PLCB1: variants seen among roughly 807,000 people sequenced by gnomAD.
PLCB1 encodes the protein 1-phosphatidylinositol 4,5-bisphosphate phosphodiesterase beta-1.
In PLCB1, 46 loss-of-function variants were observed where a neutral mutation model predicts 161.8. The ratio of observed to expected loss-of-function variants is 0.28; its 90% CI spans 0.22 to 0.36. The LOEUF is 0.36. Ranked by LOEUF, PLCB1 falls within the 10% of genes least tolerant of loss-of-function variation. The pLI, the probability that PLCB1 is intolerant of heterozygous loss-of-function variation, is 1.00. For missense variants in PLCB1, 1,016 were observed against 1,472.5 expected, an observed-to-expected ratio of 0.69 and a Z score of 5.07; for synonymous variants, 517 against 503.7, an observed-to-expected ratio of 1.03 and a Z score of -0.35.
Position 8,770,654 on chromosome 20 carries a change from G to A in PLCB1, c.2931-3885G>A, listed in dbSNP as rs184412005. Among the ~76,000 whole-genome samples, 466 of 152,312 alleles carry A rather than the reference G, an allele frequency of 3.1e-3. 1 individual carries two copies. The highest frequency in any genetic ancestry group is 5.3e-3 in the Non-Finnish European group (359 of 68,024). On this transcript the variant is annotated intron_variant, in intron 26 of 31. Coordinates refer to ENST00000338037, the MANE Select transcript of PLCB1 (RefSeq NM_015192.4). ...ATCTGGAAAGGCGGGACAACTCGAA[G>A]CAAAGGCAGGAAGATGGGAAGCCGG... is the stretch of plus-strand genomic sequence containing the variant.
chr20:8,334,238 A>T (rs1030426770), intron 2 of PLCB1, among the ~76,000 whole-genome samples: 1 of 152,142 alleles, frequency 6.6e-6, no homozygotes, highest in Admixed American at 6.5e-5. Context: ...AAGAAAAGAA[A>T]ACATTAGCTT....
At chr20:8,410,067 T>C (rs775788914) in intron 3 of PLCB1, among the ~76,000 whole-genome samples, 2 of 152,186 alleles carry the variant, frequency 1.3e-5, no homozygotes, top group Non-Finnish European at 2.9e-5. Context: ...GTGTATGCTT[T>C]TTTTCTCTCT....
chr20:8,193,933 A>T (rs1373623813), intron 2 of PLCB1, among the ~76,000 whole-genome samples: 1 of 151,942 alleles, frequency 6.6e-6, no homozygotes, highest in African/African-American at 2.4e-5. Flanking sequence ...TCTTCTTTCC[A>T]ATATAGATGT....
intron 3 of PLCB1, among the ~76,000 whole-genome samples, chr20:8,380,790 G>T (rs1429190120): frequency 6.6e-6 from 1 of 152,176 alleles, no homozygotes; most frequent in Admixed American, 6.5e-5. Flanking sequence ...TTGCACATTG[G>T]TTTTGTATCC....
chr20:8,224,762 C>T (rs934632844), intron 2 of PLCB1, among the ~76,000 whole-genome samples: 5 of 152,128 alleles, frequency 3.3e-5, no homozygotes, highest in South Asian at 2.1e-4. Flanking sequence ...CCGCCCACCA[C>T]GCCACCCCTA....
chr20:8,431,216 A>G (rs1043821949), intron 3 of PLCB1, among the ~76,000 whole-genome samples: 1 of 152,156 alleles, frequency 6.6e-6, no homozygotes, highest in Non-Finnish European at 1.5e-5. Context: ...ACTATCCCAA[A>G]TGTTGAAGTT....
chr20:8,411,099 A>G lies in PLCB1; in HGVS notation c.246+39649A>G, dbSNP rs117117415. Among the ~76,000 whole-genome samples the G allele has an allele frequency of 9.3e-3, 1,421 of 152,344 alleles. 15 individuals are homozygous for G. Among genetic ancestry groups the G allele is most frequent in the Non-Finnish European group, 0.012 (792 of 68,032 alleles). On this transcript the variant is annotated intron_variant, in intron 3 of 31. Coordinates refer to ENST00000338037, the MANE Select transcript of PLCB1 (RefSeq NM_015192.4). ...GTTATGGCAGCCTCAGGAATCTAAT[A>G]CATTGAAAGAGACAATTTATCACAT...
intron 31 of PLCB1, among the ~76,000 whole-genome samples, chr20:8,845,260 T>C (rs1056282125): frequency 2.6e-5 from 4 of 152,222 alleles, no homozygotes; most frequent in African/African-American, 9.6e-5. Flanking sequence ...ATAAGCCTTG[T>C]CTCTTTGAAC....
At chr20:8,571,060 G>A (rs945209251) in intron 3 of PLCB1, among the ~76,000 whole-genome samples, 16 of 152,220 alleles carry the variant, frequency 1.1e-4, no homozygotes, top group African/African-American at 3.6e-4. Context: ...TGGTATGTAG[G>A]CACCAGGTCA....
intron 31 of PLCB1, among the ~76,000 whole-genome samples, chr20:8,839,752 A>AAC (rs368082373): frequency 0.25 from 37,469 of 148,324 alleles, 6,301 homozygotes; most frequent in East Asian, 0.62. Context: ...AAAAAAAAAA[A>AAC]GCCTTGGCCA....
At chr20:8,831,088 C>T (rs758008358) in intron 31 of PLCB1, 19 of 152,194 alleles carry the variant, frequency 1.2e-4, no homozygotes, top group African/African-American at 2.9e-4. Flanking sequence ...TCACTCTAAA[C>T]GCCCTGCTCT....
intron 9 of PLCB1, among the ~76,000 whole-genome samples, chr20:8,666,384 G>A (rs1428016226): frequency 6.6e-6 from 1 of 152,140 alleles, no homozygotes; most frequent in Non-Finnish European, 1.5e-5. Flanking sequence ...AATCAAAAGT[G>A]AAAGATGGGT....
At chr20:8,349,902 A>G (rs560488309) in intron 2 of PLCB1, among the ~76,000 whole-genome samples, 3 of 152,346 alleles carry the variant, frequency 2.0e-5, no homozygotes, top group East Asian at 3.9e-4. Flanking sequence ...CAAATGAAAA[A>G]AAGAAATAAA....
At chr20:8,681,086 G>GTATATATATA (rs202198416) in intron 9 of PLCB1, among the ~76,000 whole-genome samples, 1,341 of 73,622 alleles carry the variant, frequency 0.018, 23 homozygotes, top group East Asian at 0.022. Context: ...ATGTGTGTGT[G>GTATATATATA]TATATATATA....
Position 8,685,570 on chromosome 20 carries a change from C to CAAAAA in PLCB1, c.1009+505_1009+509dup, listed in dbSNP as rs72078385. ...GAAACCCCTGTCTCTACTAAAAATA[C>CAAAAA]AAAAAAAAAAAAAAAAATCAGCCAG... On this transcript the variant is annotated intron_variant, in intron 10 of 31. Transcript: ENST00000338037. Among the ~76,000 whole-genome samples the CAAAAA allele has an allele frequency of 2.9e-4, 35 of 121,614 alleles. 1 individual carries two copies. The highest frequency in any genetic ancestry group is 5.4e-4 in the Non-Finnish European group (33 of 61,076). The allele number at this position is 121,614 out of a possible 152,430, so 79.8% of individuals were successfully genotyped here.
intron 3 of PLCB1, among the ~76,000 whole-genome samples, chr20:8,451,465 C>T (rs930654032): frequency 5.3e-5 from 8 of 152,034 alleles, no homozygotes; most frequent in African/African-American, 1.2e-4. Flanking sequence ...CTCATGCCTC[C>T]GCCTACTGAG....
chr20:8,235,515 T>C (rs546379166), intron 2 of PLCB1, among the ~76,000 whole-genome samples: 4 of 152,188 alleles, frequency 2.6e-5, no homozygotes, highest in Admixed American at 1.3e-4. Flanking sequence ...TCTTACAAAT[T>C]AGAAATAGTA....
chr20:8,472,116 A>G (rs1982078293), intron 3 of PLCB1, among the ~76,000 whole-genome samples: 1 of 152,194 alleles, frequency 6.6e-6, no homozygotes, highest in African/African-American at 2.4e-5. Flanking sequence ...AGGTACTAGC[A>G]ATGTGTCCAT....
chr20:8,695,913 G>A (rs931398553), intron 10 of PLCB1, among the ~76,000 whole-genome samples: 1 of 152,142 alleles, frequency 6.6e-6, no homozygotes, highest in Non-Finnish European at 1.5e-5. Flanking sequence ...CATGCCCTGT[G>A]TATTATAATC....
Sources: allele counts gnomAD v4.1 joint callset (sites outside exome capture counted in the v4.1 genomes callset), GRCh38; gene constraint gnomAD v4.1.1; transcripts MANE v1.5; gene names NCBI Gene and HGNC (gene_info 2026-07-23, HGNC 2026-07-21).